SNX29: variants seen among roughly 807,000 people sequenced by gnomAD.
SNX29 encodes the protein sorting nexin 29, also known as sorting nexin-29.
SNX29 carries 78 observed loss-of-function variants against 102.1 expected under a neutral mutation model. That is an observed-to-expected ratio of 0.76 (90% confidence interval 0.64 to 0.92). The LOEUF is 0.92. SNX29 is among the 40% of genes least tolerant of loss of function. The probability of loss-of-function intolerance (pLI) is 0.00; values close to 1 mark genes in which losing one functional copy is unlikely to be tolerated. For missense variants in SNX29, 1,280 were observed against 1,061.7 expected (o/e 1.21, Z -2.86); for synonymous variants, 580 against 414.5 (o/e 1.40, Z -4.85).
At chr16:12,084,593 C>T (rs1168003100) in intron 11 of SNX29, among the ~76,000 whole-genome samples, 1 of 152,122 alleles carries the variant, frequency 6.6e-6, no homozygotes, top group Non-Finnish European at 1.5e-5. Context: ...GCCATGTGCC[C>T]TCAGGGCCGG....
At chr16:12,232,901 T>A (rs2077813139) in intron 14 of SNX29, among the ~76,000 whole-genome samples, 1 of 152,304 alleles carries the variant, frequency 6.6e-6, no homozygotes, top group South Asian at 2.1e-4. Flanking sequence ...AGCATGGGCT[T>A]GGAGGGGCAT....
chr16:12,462,957 C>T (rs2086873731), intron 18 of SNX29, among the ~76,000 whole-genome samples: 1 of 152,326 alleles, frequency 6.6e-6, no homozygotes, highest in African/African-American at 2.4e-5. Context: ...CTGGATCCCC[C>T]AGCAGCTTGA....
chr16:12,286,719 A>T (rs542073338), intron 15 of SNX29, among the ~76,000 whole-genome samples: 1 of 152,164 alleles, frequency 6.6e-6, no homozygotes, highest in South Asian at 2.1e-4. Flanking sequence ...ATGAGCCTCT[A>T]TGTACCCATC....
At chr16:12,238,976 A>G (rs190036437) in intron 14 of SNX29, among the ~76,000 whole-genome samples, 155 of 152,322 alleles carry the variant, frequency 1.0e-3, no homozygotes, top group African/African-American at 3.6e-3. Flanking sequence ...CAGGAAGGCC[A>G]AAAGGACTCT....
At chr16:12,084,395 C>T (rs1396528632) in intron 11 of SNX29, among the ~76,000 whole-genome samples, 1 of 152,168 alleles carries the variant, frequency 6.6e-6, no homozygotes, top group Non-Finnish European at 1.5e-5. Flanking sequence ...CCGCCCACCT[C>T]GGCTTTCCAA....
At chr16:12,362,562 A>ACCCCCCCCCCCCCCCC (rs796459458) in intron 16 of SNX29, among the ~76,000 whole-genome samples, 1 of 19,984 alleles carries the variant, frequency 5.0e-5, no homozygotes, top group African/African-American at 1.9e-4. Flanking sequence ...CTCCCCCCCC[A>ACCCCCCCCCCCCCCCC]CCCCCCCCCC....
At chr16:12,221,764 A>G (rs1272739733) in intron 14 of SNX29, among the ~76,000 whole-genome samples, 1 of 152,214 alleles carries the variant, frequency 6.6e-6, no homozygotes, top group Non-Finnish European at 1.5e-5. Context: ...TGTGGCGCCC[A>G]GGGCCCTGCA....
At chr16:11,985,663 TG>T (rs1191538281) in intron 1 of SNX29, among the ~76,000 whole-genome samples, 1 of 152,114 alleles carries the variant, frequency 6.6e-6, no homozygotes, top group Non-Finnish European at 1.5e-5. Flanking sequence ...AGCCTGTGGC[TG>T]GGAGTCCATC....
chr16:12,135,995 T>G (rs1395555563), intron 13 of SNX29, among the ~76,000 whole-genome samples: 1 of 152,232 alleles, frequency 6.6e-6, no homozygotes, highest in Non-Finnish European at 1.5e-5. Context: ...TTCGTGTATG[T>G]CACTGGGACC....
chr16:12,079,218 C>G (rs1331468840), intron 11 of SNX29, among the ~76,000 whole-genome samples: 1 of 152,200 alleles, frequency 6.6e-6, no homozygotes, highest in South Asian at 2.1e-4. Flanking sequence ...AGGACCTATT[C>G]TAGTTGGATT....
At chr16:12,550,154 T>C (rs1166496748) in intron 20 of SNX29, among the ~76,000 whole-genome samples, 1 of 152,218 alleles carries the variant, frequency 6.6e-6, no homozygotes, top group Non-Finnish European at 1.5e-5. Context: ...CCATACCGCA[T>C]GTAGTGATAT....
chr16:12,339,370 C>CAAA (rs58148692), intron 15 of SNX29, among the ~76,000 whole-genome samples: 657 of 56,012 alleles, frequency 0.012, 36 homozygotes, highest in Middle Eastern at 0.017. Flanking sequence ...GATTCTGTCT[C>CAAA]AAAAAAAAAA....
chr16:12,222,477 T>G (rs562828690), intron 14 of SNX29, among the ~76,000 whole-genome samples: 1 of 152,210 alleles, frequency 6.6e-6, no homozygotes, highest in Non-Finnish European at 1.5e-5. Context: ...GGACATTCAG[T>G]TGGGGCAGCT....
chr16:12,301,017 T>C (rs2080157132), intron 15 of SNX29, among the ~76,000 whole-genome samples: 1 of 152,230 alleles, frequency 6.6e-6, no homozygotes, highest in South Asian at 2.1e-4. Flanking sequence ...TCCTCCTGAC[T>C]TGTGCGTCTG....
chr16:12,242,126 C>T (rs965591983), intron 14 of SNX29, among the ~76,000 whole-genome samples: 2 of 151,674 alleles, frequency 1.3e-5, no homozygotes, highest in African/African-American at 4.8e-5. Context: ...CTTCCCCAGC[C>T]AAAAATGGGT....
rs114126251 is a variant in SNX29, at chr16:12,292,196, G to A, written c.1782+14160G>A. Among the ~76,000 whole-genome samples the A allele has an allele frequency of 4.2e-3, 639 of 152,278 alleles. 8 individuals carry two copies. Among genetic ancestry groups the A allele is most frequent in the African/African-American group, 0.015 (603 of 41,566 alleles). ...TCCAGATGGCAGGAACAGCAGGTGCGAAGGTTTGGCCACCTGGGCGTGTCA... is the reference window on the plus strand; with the variant it reads ...TCCAGATGGCAGGAACAGCAGGTGCAAAGGTTTGGCCACCTGGGCGTGTCA... On this transcript the variant is annotated intron_variant, in intron 15 of 20. Coordinates refer to ENST00000566228, the MANE Select transcript of SNX29 (RefSeq NM_032167.5).
intron 19 of SNX29, among the ~76,000 whole-genome samples, chr16:12,510,249 C>T (rs1055278548): frequency 1.2e-4 from 19 of 152,172 alleles, no homozygotes; most frequent in African/African-American, 4.3e-4. Flanking sequence ...ATAGATTGCT[C>T]CAAAATATGG....
intron 14 of SNX29, among the ~76,000 whole-genome samples, chr16:12,231,834 C>T (rs574948138): frequency 8.5e-5 from 13 of 152,244 alleles, no homozygotes; most frequent in African/African-American, 2.6e-4. Context: ...AACCTAGCTC[C>T]TTATATTTGT....
chr16:12,153,508 C>G (rs368141369), intron 13 of SNX29, among the ~76,000 whole-genome samples: 1 of 151,628 alleles, frequency 6.6e-6, no homozygotes, highest in Non-Finnish European at 1.5e-5. Flanking sequence ...ACCTCTGGCT[C>G]TGTTGCCCAG....
Sources: gnomAD v4.1 joint callset for allele counts (sites outside exome capture counted in the v4.1 genomes callset) on GRCh38, gnomAD v4.1.1 for gene constraint, MANE v1.5 for transcripts, NCBI Gene and HGNC (gene_info 2026-07-23, HGNC 2026-07-21) for gene names.